The following ANKRD36C variants were observed in gnomAD, a reference collection of about 807,000 sequenced individuals.
The protein encoded by ANKRD36C is ankyrin repeat domain-containing protein 36C.
In ANKRD36C, 61 loss-of-function variants were observed where a neutral mutation model predicts 276.4. That is an observed-to-expected ratio of 0.22 (90% CI 0.18 to 0.27). The LOEUF (loss-of-function observed/expected upper bound fraction) is 0.27. ANKRD36C is among the 10% of genes least tolerant of loss of function. ANKRD36C has a pLI of 1.00. For missense variants in ANKRD36C, 1,447 were observed against 2,032.3 expected (o/e 0.71, Z 5.54); for synonymous variants, 483 against 680.1 (o/e 0.71, Z 4.51).
Position 95,893,188 on chromosome 2 carries a change from G to A in ANKRD36C, c.2756-1328C>T, listed in dbSNP as rs776684847. ...TCTGTTTTTAGCAGTACGATGTGACGTCTGTAAAATCGATACTTCCTCTCT... is the reference window on the plus strand; with the variant it reads ...TCTGTTTTTAGCAGTACGATGTGACATCTGTAAAATCGATACTTCCTCTCT... On this transcript the variant is annotated intron_variant, in intron 44 of 66. Coordinates refer to ENST00000456556, the Ensembl canonical transcript of ANKRD36C. 2.5e-4 allele frequency among the ~76,000 whole-genome samples: 38 copies of A among 151,336 alleles called. 1 individual carries two copies. Among genetic ancestry groups the A allele is most frequent in the South Asian group, 6.2e-4 (3 of 4,812 alleles).
At chr2:95,895,826 G>A (rs560247050) in intron 44 of ANKRD36C, among the ~76,000 whole-genome samples, 5 of 150,956 alleles carry the variant, frequency 3.3e-5, no homozygotes, top group East Asian at 2.0e-4. Flanking sequence ...GTCATGTGTC[G>A]AAACCCAAAA....
rs188038604 is a variant in ANKRD36C, at chr2:95,912,461, C to T, written c.2552-26G>A. On this transcript the variant is annotated intron_variant, in intron 40 of 66. Transcript: ENST00000456556. ...CTGAAAAGCAAAAGGGATACATAAT[C>T]ACTCACACGTAAATATGATAAAGTT... 144 of 1,604,674 alleles carry T rather than the reference C, an allele frequency of 9.0e-5. No homozygotes were observed. The African/African-American group carries it at 1.8e-3, about 20-fold the overall frequency.
At chr2:95,849,700 A>C (rs1292102606), downstream of ANKRD36C, among the ~76,000 whole-genome samples, 1 of 152,244 alleles carries the variant, frequency 6.6e-6, no homozygotes, top group Admixed American at 6.5e-5. Context: ...GGAGACAATG[A>C]CATATCATCA....
At chr2:95,956,051 T>G (rs1373622272) in intron 13 of ANKRD36C, among the ~76,000 whole-genome samples, 1 of 152,130 alleles carries the variant, frequency 6.6e-6, no homozygotes, top group African/African-American at 2.4e-5. Context: ...AGAAAAAGCT[T>G]CAGCAAACTA....
At chr2:95,956,406 A>C (rs1300887201) in intron 13 of ANKRD36C, among the ~76,000 whole-genome samples, 1 of 152,252 alleles carries the variant, frequency 6.6e-6, no homozygotes, top group African/African-American at 2.4e-5. Flanking sequence ...TATATAACAA[A>C]ATGTGACTTT....
At chr2:95,925,276 C>T in intron 30 of ANKRD36C, 76 bp downstream of exon 30, 1 of 1,540,022 alleles carries the variant, frequency 6.5e-7, no homozygotes, top group Non-Finnish European at 8.8e-7. Context: ...AATGACACTC[C>T]ACTGATCTAT....
exon 63 of ANKRD36C, chr2:95,855,504 A>G: frequency 6.2e-7 from 1 of 1,611,586 alleles, no homozygotes; most frequent in South Asian, 1.1e-5. Context: ...TTGTTTTTTT[A>G]GTTGACAAAA....
chr2:95,956,290 T>C (rs1173117966), intron 13 of ANKRD36C, among the ~76,000 whole-genome samples: 1 of 152,242 alleles, frequency 6.6e-6, no homozygotes, highest in Non-Finnish European at 1.5e-5. Context: ...TTTAAAATTT[T>C]GATGGTTAAA....
intron 60 of ANKRD36C, among the ~76,000 whole-genome samples, chr2:95,863,327 G>C (rs946504134): frequency 6.6e-6 from 1 of 152,028 alleles, no homozygotes; most frequent in Admixed American, 6.6e-5. Flanking sequence ...ATCTATAAAA[G>C]AAAGTTAAGT....
intron 59 of ANKRD36C, among the ~76,000 whole-genome samples, chr2:95,872,967 G>A (rs1675851441): frequency 1.3e-5 from 2 of 152,284 alleles, no homozygotes. Flanking sequence ...ACTAAACCAG[G>A]AAGAAGTTGA....
chr2:95,910,347 G>C, intron 42 of ANKRD36C, 26 bp downstream of exon 46: 1 of 1,525,142 alleles, frequency 6.6e-7, no homozygotes, highest in South Asian at 1.2e-5. Flanking sequence ...GACAGAACAC[G>C]ACATTAAATC....
At chr2:95,980,383 T>G (rs951040642) in intron 5 of ANKRD36C, among the ~76,000 whole-genome samples, 1 of 152,082 alleles carries the variant, frequency 6.6e-6, no homozygotes, top group Non-Finnish European at 1.5e-5. Flanking sequence ...GGAAATAAAA[T>G]GTACAACATT....
chr2:95,967,689 G>C (rs900120736), intron 6 of ANKRD36C, among the ~76,000 whole-genome samples: 1 of 151,796 alleles, frequency 6.6e-6, no homozygotes, highest in South Asian at 2.1e-4. Flanking sequence ...ACAGTGGCTC[G>C]TTCCTGTAAT....
At position 95,913,491 on chromosome 2, in the gene ANKRD36C, T is replaced by C. The variant is rs1676995794; in HGVS notation, c.2551+617A>G. The stretch of plus-strand genomic sequence containing the variant: ...GAGTCACTGTGGTGTATTCCAATTA[T>C]ACCATTGTTTCCTGCTTCCAGTAGT... On this transcript the variant is annotated intron_variant, in intron 40 of 66. Coordinates refer to ENST00000456556, the Ensembl canonical transcript of ANKRD36C. Among the ~76,000 whole-genome samples, 3 of 151,442 alleles carry C rather than the reference T, an allele frequency of 2.0e-5. 1 individual carries two copies. Among genetic ancestry groups the C allele is most frequent in the African/African-American group, 7.3e-5 (3 of 41,322 alleles).
At position 95,891,687 on chromosome 2, in the gene ANKRD36C, CT is replaced by C; in HGVS notation, c.2834del (p.Lys945SerfsTer17). ...TACCTCTCCTAGTTTTTTCTCCATG[CT>C]TTTTTCCTCTGGCTATATTCAAAAC... is the stretch of plus-strand genomic sequence containing the variant. On this transcript the variant is annotated frameshift_variant, in exon 46 of 67. Transcript: ENST00000456556. LOFTEE classifies it high-confidence loss of function. 7 of 1,570,962 alleles carry C rather than the reference CT, an allele frequency of 4.5e-6. No homozygotes were observed. Among genetic ancestry groups the C allele is most frequent in the East Asian group, 4.6e-5 (2 of 43,086 alleles).
chr2:95,910,996 TC>T (rs1278534018), intron 42 of ANKRD36C, among the ~76,000 whole-genome samples: 1 of 151,464 alleles, frequency 6.6e-6, no homozygotes, highest in African/African-American at 2.4e-5. Flanking sequence ...TTCATCATGC[TC>T]TTTAACTTGC....
intron 42 of ANKRD36C, among the ~76,000 whole-genome samples, chr2:95,910,012 A>G (rs979698154): frequency 4.8e-4 from 73 of 151,332 alleles, no homozygotes; most frequent in Non-Finnish European, 7.4e-5. Context: ...GTCTGTTCTT[A>G]GCAGTACGAT....
chr2:95,859,342 A>T (rs1675507281), intron 61 of ANKRD36C, among the ~76,000 whole-genome samples: 1 of 152,254 alleles, frequency 6.6e-6, no homozygotes, highest in Non-Finnish European at 1.5e-5. Flanking sequence ...GATAATTTTT[A>T]AAATAATTAT....
chr2:95,940,983 A>C (rs1434625937), intron 20 of ANKRD36C, among the ~76,000 whole-genome samples, 177 bp downstream of exon 20: 1 of 149,226 alleles, frequency 6.7e-6, no homozygotes, highest in African/African-American at 2.4e-5. Flanking sequence ...TTTAACAATT[A>C]ATTTAATTTT....
Sources: allele counts gnomAD v4.1 joint callset (sites outside exome capture counted in the v4.1 genomes callset), GRCh38; gene constraint gnomAD v4.1.1; transcripts MANE v1.5; gene names NCBI Gene and HGNC (gene_info 2026-07-23, HGNC 2026-07-21).